The following SLC45A2 variants were observed in gnomAD, a reference collection of about 807,000 sequenced individuals.
The protein encoded by SLC45A2 is membrane-associated transporter protein.
Under a neutral mutation model 45.5 loss-of-function variants are expected in SLC45A2, and 36 were observed. The ratio of observed to expected loss-of-function variants is 0.79; its 90% confidence interval spans 0.61 to 1.04. The LOEUF is 1.04. Ranked by LOEUF, SLC45A2 falls within the 50% of genes least tolerant of loss-of-function variation. The pLI, the probability that SLC45A2 is intolerant of heterozygous loss-of-function variation, is 0.00. For synonymous variants in SLC45A2, 306 were observed against 269.3 expected (o/e 1.14, Z -1.33); for missense variants, 719 against 671.0 (o/e 1.07, Z -0.79).
At chr5:33,967,348 C>G (rs1047878721) in intron 2 of SLC45A2, among the ~76,000 whole-genome samples, 1 of 152,186 alleles carries the variant, frequency 6.6e-6, no homozygotes, top group African/African-American at 2.4e-5. Context: ...AAATATTCCT[C>G]TAGAGCAGCC....
At chr5:33,965,039 T>C (rs571269418) in intron 2 of SLC45A2, among the ~76,000 whole-genome samples, 2 of 152,234 alleles carry the variant, frequency 1.3e-5, no homozygotes, top group South Asian at 4.1e-4. Flanking sequence ...CAAACTTATG[T>C]AGGACTGATC....
chr5:33,944,985 G>T, intron 6 of SLC45A2, 113 bp from the exon 7 acceptor site: 2 of 963,070 alleles, frequency 2.1e-6, no homozygotes, highest in Non-Finnish European at 3.2e-6. Flanking sequence ...TGGCTTCGTG[G>T]ATTATACAGC....
chr5:33,951,852 G>A (rs1264274710), intron 4 of SLC45A2, among the ~76,000 whole-genome samples, 175 bp from the exon 5 acceptor site: 1 of 152,096 alleles, frequency 6.6e-6, no homozygotes. Context: ...TTCATTCAAG[G>A]ACCTATCAGA....
chr5:33,983,180 T>C (rs1377351198), intron 1 of SLC45A2, among the ~76,000 whole-genome samples: 4 of 152,250 alleles, frequency 2.6e-5, no homozygotes, highest in Non-Finnish European at 5.9e-5. Context: ...TTTCTTCATA[T>C]AATTTCAGCT....
In SLC45A2 at chr5:33,954,323, T is replaced by C. The variant is rs761925300; in HGVS notation, c.1032+38A>G. The C allele has an allele frequency of 2.5e-6, 4 of 1,613,532 alleles. No individual in the cohort carries two copies. In the African/African-American group the frequency reaches 5.3e-5, roughly 22 times the overall value. On this transcript the variant is annotated intron_variant, in intron 4 of 6. Coordinates refer to ENST00000296589, the MANE Select transcript of SLC45A2 (RefSeq NM_016180.5). ...CAACAGGTGTTAATGGAGGAAATGA[T>C]GTGTAACAGTGATTGTGTGCACAGA...
At chr5:33,979,041 A>G (rs1193460376) in intron 2 of SLC45A2, among the ~76,000 whole-genome samples, 2 of 152,252 alleles carry the variant, frequency 1.3e-5, no homozygotes, top group East Asian at 3.8e-4. Flanking sequence ...GTCAATGAAA[A>G]GAGTCAAACT....
intron 6 of SLC45A2, 187 bp downstream of exon 6, chr5:33,946,976 A>AGCTGGGCTGG: frequency 1.3e-6 from 2 of 1,536,340 alleles, no homozygotes. Flanking sequence ...AGGACAGGAC[A>AGCTGGGCTGG]GCTGGGCTGG....
chr5:33,959,759 T>A (rs1055487853), intron 3 of SLC45A2, among the ~76,000 whole-genome samples: 12 of 152,168 alleles, frequency 7.9e-5, no homozygotes, highest in African/African-American at 2.9e-4. Flanking sequence ...TTTCAGCAGA[T>A]CATACTCAAC....
intron 6 of SLC45A2, 89 bp from the exon 7 acceptor site, chr5:33,944,961 A>C: frequency 8.3e-7 from 1 of 1,207,082 alleles, no homozygotes; most frequent in Admixed American, 2.0e-5. Context: ...GACCAGCCAG[A>C]TAGTAAATAC....
At chr5:33,977,811 T>G (rs1752972323) in intron 2 of SLC45A2, among the ~76,000 whole-genome samples, 1 of 151,544 alleles carries the variant, frequency 6.6e-6, no homozygotes, top group African/African-American at 2.4e-5. Flanking sequence ...GCTTGGAGAG[T>G]AGGATGGGAA....
intron 2 of SLC45A2, among the ~76,000 whole-genome samples, chr5:33,975,651 T>G (rs1752907345): frequency 6.6e-6 from 1 of 152,230 alleles, no homozygotes; most frequent in Admixed American, 6.5e-5. Flanking sequence ...ACCAGCTTTG[T>G]CTATTCAATT....
At chr5:33,975,665 A>G (rs1268836762) in intron 2 of SLC45A2, among the ~76,000 whole-genome samples, 2 of 152,104 alleles carry the variant, frequency 1.3e-5, no homozygotes, top group African/African-American at 4.8e-5. Flanking sequence ...TTCAATTGTA[A>G]TTGCTCCTTC....
intron 4 of SLC45A2, 88 bp downstream of exon 4, chr5:33,954,273 C>T: frequency 6.3e-7 from 1 of 1,575,404 alleles, no homozygotes; most frequent in Admixed American, 1.7e-5. Flanking sequence ...CTGTGCCAAT[C>T]TTAGAGGATA....
intron 2 of SLC45A2, among the ~76,000 whole-genome samples, chr5:33,970,602 C>G (rs1752750196): frequency 7.0e-6 from 1 of 142,088 alleles, no homozygotes; most frequent in Admixed American, 7.0e-5. Flanking sequence ...TTGGTTTTAC[C>G]CCTAGTCTAC....
Position 33,954,366 on chromosome 5 carries a change from C to T in SLC45A2, c.1027G>A (p.Gly343Ser), listed in dbSNP as rs752368361. The change falls in exon 4 of 7, where the codon GGC becomes AGC. Residue 343 changes from glycine to serine, a missense_variant. Gly to Ser is a moderately conservative substitution (Grantham distance 56, BLOSUM62 0). Coordinates refer to ENST00000296589, the MANE Select transcript of SLC45A2 (RefSeq NM_016180.5). ...SNMLFFTDFM[G>S]QIVYRGDPYS... ...TGCACAGACACGTTCATTACCTGGC[C>T]CATGAAATCTGTGAAGAACAGCATG... 1 of 1,613,972 alleles carries T rather than the reference C, an allele frequency of 6.2e-7. No homozygotes were observed.
chr5:33,973,159 A>G (rs1752834006), intron 2 of SLC45A2, among the ~76,000 whole-genome samples: 1 of 152,230 alleles, frequency 6.6e-6, no homozygotes, highest in Non-Finnish European at 1.5e-5. Context: ...CTGGGAAAGC[A>G]CTTTCGAGCA....
At chr5:33,970,595 G>GTTGT (rs1434830644) in intron 2 of SLC45A2, among the ~76,000 whole-genome samples, 2 of 150,998 alleles carry the variant, frequency 1.3e-5, no homozygotes, top group Non-Finnish European at 2.9e-5. Flanking sequence ...TGGTTGGTTG[G>GTTGT]TTTTACCCCT....
At chr5:33,969,183 A>C (rs1490139328) in intron 2 of SLC45A2, among the ~76,000 whole-genome samples, 1 of 151,786 alleles carries the variant, frequency 6.6e-6, no homozygotes, top group African/African-American at 2.4e-5. Context: ...GAGATACATC[A>C]ATGAGCAAGA....
chr5:33,983,280 CTT>C (rs774137825), intron 1 of SLC45A2, among the ~76,000 whole-genome samples: 18 of 152,272 alleles, frequency 1.2e-4, no homozygotes, highest in East Asian at 5.8e-4. Flanking sequence ...TGTTGTTTCT[CTT>C]GTTTCCATTT....
Sources: gnomAD v4.1 joint callset for allele counts (sites outside exome capture counted in the v4.1 genomes callset) on GRCh38, gnomAD v4.1.1 for gene constraint, MANE v1.5 for transcripts, NCBI Gene and HGNC (gene_info 2026-07-23, HGNC 2026-07-21) for gene names.